RANBP10: variants seen among roughly 807,000 people sequenced by gnomAD.
RANBP10 encodes RAN binding protein 10, also known as ran-binding protein 10.
Under a neutral mutation model 72.8 loss-of-function variants are expected in RANBP10, and 24 were observed. The ratio of observed to expected loss-of-function variants is 0.33; its 90% CI spans 0.24 to 0.46. The LOEUF (loss-of-function observed/expected upper bound fraction) is 0.46, where lower values mean the gene tolerates loss of function less well. RANBP10 is among the 20% of genes least tolerant of loss of function. The pLI, the probability that RANBP10 is intolerant of heterozygous loss-of-function variation, is 1.00. For missense variants in RANBP10, 679 were observed against 817.5 expected (o/e 0.83, Z 2.07); for synonymous variants, 310 against 322.3 (o/e 0.96, Z 0.41).
intron 11 of RANBP10, among the ~76,000 whole-genome samples, 186 bp downstream of exon 11, chr16:67,728,196 CACAGGCCA>C (rs927289886): frequency 9.2e-5 from 14 of 152,226 alleles, no homozygotes; most frequent in African/African-American, 2.9e-4. Context: ...GTGGTCTTGG[CACAGGCCA>C]GGGCCTTCGT....
intron 4 of RANBP10, among the ~76,000 whole-genome samples, chr16:67,741,987 A>G (rs2053978293): frequency 6.6e-6 from 1 of 152,136 alleles, no homozygotes; most frequent in Admixed American, 6.5e-5. Context: ...AATGCAGGGG[A>G]CAGGCCATAT....
chr16:67,803,352 A>G (rs1290164300), intron 2 of RANBP10, among the ~76,000 whole-genome samples: 1 of 151,984 alleles, frequency 6.6e-6, no homozygotes, highest in Non-Finnish European at 1.5e-5. Context: ...CATCTCTACA[A>G]ATAATTTAAA....
At position 67,740,116 on chromosome 16, in the gene RANBP10, T is replaced by C. The variant is rs1011530789; in HGVS notation, c.569-2081A>G. Among the ~76,000 whole-genome samples the C allele has an allele frequency of 4.3e-3, 643 of 148,514 alleles. 17 individuals carry two copies. The highest frequency in any genetic ancestry group is 2.0e-3 in the East Asian group (10 of 5,088). On this transcript the variant is annotated intron_variant, in intron 4 of 13. Coordinates refer to ENST00000317506, the MANE Select transcript of RANBP10 (RefSeq NM_020850.3). ...GTTCACACTTTTTTTTTTTTTTTTTTCCCTGAGACGGAGTCTTGCTCTGTC... is the reference window on the plus strand; with the variant it reads ...GTTCACACTTTTTTTTTTTTTTTTTCCCCTGAGACGGAGTCTTGCTCTGTC...
chr16:67,769,745 C>CA (rs58319144), intron 3 of RANBP10, among the ~76,000 whole-genome samples: 1,357 of 27,744 alleles, frequency 0.049, 276 homozygotes, highest in East Asian at 0.059. Flanking sequence ...GACTCCGTCT[C>CA]AAAAAAAAAA....
intron 3 of RANBP10, among the ~76,000 whole-genome samples, chr16:67,756,682 G>A (rs1391909997): frequency 6.6e-6 from 1 of 151,986 alleles, no homozygotes; most frequent in South Asian, 2.1e-4. Context: ...CAGGCTGGGC[G>A]AAAGAGTGAG....
chr16:67,799,793 C>T (rs1241218249), intron 2 of RANBP10, among the ~76,000 whole-genome samples: 1 of 152,054 alleles, frequency 6.6e-6, no homozygotes, highest in Non-Finnish European at 1.5e-5. Flanking sequence ...TTCGACACCA[C>T]CGGTGGGGCC....
At chr16:67,784,983 G>A (rs2054887061) in intron 2 of RANBP10, among the ~76,000 whole-genome samples, 1 of 151,912 alleles carries the variant, frequency 6.6e-6, no homozygotes, top group Non-Finnish European at 1.5e-5. Context: ...GCCGAGGCGG[G>A]CAGATCACCT....
At chr16:67,741,274 A>C (rs1251407825) in intron 4 of RANBP10, among the ~76,000 whole-genome samples, 5 of 152,044 alleles carry the variant, frequency 3.3e-5, no homozygotes, top group Non-Finnish European at 7.4e-5. Flanking sequence ...GGCTTGCCCA[A>C]CTCTGCCTCA....
chr16:67,729,709 C>T lies in RANBP10; in HGVS notation c.1118G>A (p.Gly373Asp). Residue 373 changes from glycine (G) to aspartate (D), a missense_variant, in exon 9 of 14, where the codon GGC (glycine) becomes GAC (aspartate). Transcript: ENST00000317506. This position sits in a 1 kb window ranked among gnomAD's most constrained non-coding sequence, Gnocchi z 7.1. Reference sequence around the variant, plus strand: ...GTTGTGCATGTGGGAACTACTGGGGCCATGTCGGGGACTGAGGCTGGGGGA... The same window carrying T: ...GTTGTGCATGTGGGAACTACTGGGGTCATGTCGGGGACTGAGGCTGGGGGA... ...PGSPSLSPRH[G>D]PSSSHMHNTG... The T allele has an allele frequency of 6.2e-7, 1 of 1,613,334 alleles. No homozygotes were observed. Among genetic ancestry groups the T allele is most frequent in the Non-Finnish European group, 8.5e-7 (1 of 1,179,668 alleles).
intron 10 of RANBP10, among the ~76,000 whole-genome samples, chr16:67,728,882 T>C (rs1232951943): frequency 1.3e-5 from 2 of 152,216 alleles, no homozygotes; most frequent in Non-Finnish European, 2.9e-5. Flanking sequence ...CCTTGAGGTG[T>C]ACCTGGGGAT....
chr16:67,804,596 T>A (rs2055299789), intron 2 of RANBP10, among the ~76,000 whole-genome samples: 2 of 151,960 alleles, frequency 1.3e-5, no homozygotes, highest in South Asian at 4.2e-4. Flanking sequence ...AGAGATGGGG[T>A]TTTACCATGC....
intron 4 of RANBP10, among the ~76,000 whole-genome samples, chr16:67,742,033 G>GA (rs1248702659): frequency 6.6e-6 from 1 of 151,302 alleles, no homozygotes; most frequent in African/African-American, 2.4e-5. Flanking sequence ...TATCCATGTG[G>GA]AAAAAATGGA....
At chr16:67,765,440 C>T (rs1339435454) in intron 3 of RANBP10, among the ~76,000 whole-genome samples, 1 of 150,902 alleles carries the variant, frequency 6.6e-6, no homozygotes, top group East Asian at 1.9e-4. Context: ...GCAGGAGAAT[C>T]GCTTGAACCC....
chr16:67,728,726 C>T (rs538625803), intron 10 of RANBP10: 96 of 830,534 alleles, frequency 1.2e-4, no homozygotes, highest in Non-Finnish European at 1.5e-4. Context: ...CCCACCCTTG[C>T]CCCAGTGCTG....
chr16:67,794,673 C>T (rs184541398), intron 2 of RANBP10, among the ~76,000 whole-genome samples: 1 of 150,874 alleles, frequency 6.6e-6, no homozygotes, highest in Non-Finnish European at 1.5e-5. Context: ...CAGGTGTGTG[C>T]CACCATGGCC....
chr16:67,795,239 C>T (rs1386711340), intron 2 of RANBP10, among the ~76,000 whole-genome samples: 1 of 151,530 alleles, frequency 6.6e-6, no homozygotes, highest in African/African-American at 2.4e-5. Context: ...AGTGAGACCC[C>T]GCCTCAAAAA....
chr16:67,750,363 T>G (rs1239572678), intron 3 of RANBP10, among the ~76,000 whole-genome samples: 1 of 152,242 alleles, frequency 6.6e-6, no homozygotes, highest in Non-Finnish European at 1.5e-5. Context: ...CCAGTTCAAA[T>G]TCCTGCCTCC....
rs190864826 is a variant in RANBP10 at position 67,789,581 on chromosome 16, T to C, written c.347+15847A>G. On this transcript the variant is annotated intron_variant, in intron 2 of 13. Transcript: ENST00000317506. ...ACCTCCTGGATTCAAGTGATTATCC[T>C]GCCTCAGCCTCCCAAGTAGCTGGGA... Among the ~76,000 whole-genome samples the C allele has an allele frequency of 7.9e-4, 119 of 151,544 alleles. 5 individuals carry two copies. Among genetic ancestry groups the C allele is most frequent in the African/African-American group, 2.8e-3 (117 of 41,164 alleles).
chr16:67,777,940 A>G (rs2054738029), intron 2 of RANBP10, among the ~76,000 whole-genome samples: 1 of 152,266 alleles, frequency 6.6e-6, no homozygotes, highest in Non-Finnish European at 1.5e-5. Flanking sequence ...GATCCCAGAA[A>G]TAAACCCTCA....
Sources: allele counts gnomAD v4.1 joint callset (sites outside exome capture counted in the v4.1 genomes callset), GRCh38; gene constraint gnomAD v4.1.1; non-coding constraint Gnocchi (gnomAD v3.1); transcripts MANE v1.5; gene names NCBI Gene and HGNC (gene_info 2026-07-23, HGNC 2026-07-21).